Variants in SLIT3 observed in about 807,000 individuals in gnomAD.
SLIT3 encodes slit guidance ligand 3, also known as slit homolog 3 protein.
Under a neutral mutation model 184.0 loss-of-function variants are expected in SLIT3, and 68 were observed. The observed-to-expected ratio is 0.37, with a 90% CI of 0.30 to 0.45. The LOEUF (loss-of-function observed/expected upper bound fraction) is 0.45, where lower values mean the gene tolerates loss of function less well. Among genes scored for constraint, SLIT3 ranks in the 20% least tolerant of loss-of-function variants. SLIT3 has a pLI of 1.00. For synonymous variants in SLIT3, 831 were observed against 828.6 expected (o/e 1.00, Z -0.05); for missense variants, 1,707 against 2,026.0 (o/e 0.84, Z 3.02).
At chr5:168,755,171 T>G (rs1435351167) in intron 16 of SLIT3, among the ~76,000 whole-genome samples, 1 of 152,140 alleles carries the variant, frequency 6.6e-6, no homozygotes, top group East Asian at 1.9e-4. Flanking sequence ...GGGACTGAGG[T>G]TCACAGAGAT....
At chr5:168,746,544 T>TGTGTGGTGTGTGA (rs1754429447) in intron 20 of SLIT3, among the ~76,000 whole-genome samples, 4 of 82,598 alleles carry the variant, frequency 4.8e-5, no homozygotes, top group South Asian at 4.8e-4. Context: ...TGTGTGGTGG[T>TGTGTGGTGTGTGA]GTGCGGTGGT....
chr5:169,003,323 A>C (rs1169320507), intron 4 of SLIT3, among the ~76,000 whole-genome samples: 1 of 152,182 alleles, frequency 6.6e-6, no homozygotes, highest in Non-Finnish European at 1.5e-5. Flanking sequence ...GGCACTCAGT[A>C]CATCTTCCCA....
At chr5:168,778,802 C>T (rs1755858608) in intron 12 of SLIT3, among the ~76,000 whole-genome samples, 1 of 152,224 alleles carries the variant, frequency 6.6e-6, no homozygotes, top group African/African-American at 2.4e-5. Context: ...CTCAAACTGA[C>T]AACTGTGACA....
chr5:169,033,685 A>G (rs1256158208), intron 4 of SLIT3, among the ~76,000 whole-genome samples: 1 of 152,108 alleles, frequency 6.6e-6, no homozygotes, highest in Admixed American at 6.5e-5. Flanking sequence ...TTAATTAATG[A>G]TGAATGATGT....
intron 4 of SLIT3, among the ~76,000 whole-genome samples, chr5:168,889,961 G>A (rs1760384019): frequency 6.6e-6 from 1 of 151,950 alleles, no homozygotes; most frequent in Non-Finnish European, 1.5e-5. Context: ...TCGCCAACAT[G>A]GTGAAACACC....
chr5:169,028,826 C>T (rs560941630), intron 4 of SLIT3, among the ~76,000 whole-genome samples: 3 of 152,290 alleles, frequency 2.0e-5, no homozygotes, highest in East Asian at 3.9e-4. Flanking sequence ...AGCTAGAACC[C>T]AAAATGTGTT....
intron 4 of SLIT3, among the ~76,000 whole-genome samples, chr5:168,883,728 C>T (rs767577400): frequency 6.6e-5 from 10 of 150,762 alleles, no homozygotes; most frequent in Non-Finnish European, 1.0e-4. Flanking sequence ...GGGGTCAACG[C>T]CGCTCAATCT....
In SLIT3 at chr5:168,899,074, T is replaced by G. The variant is rs113162840; in HGVS notation, c.414-15738A>C. Among the ~76,000 whole-genome samples, 22 of 152,372 alleles carry G rather than the reference T, an allele frequency of 1.4e-4. 3 individuals carry two copies. Among genetic ancestry groups the G allele is most frequent in the African/African-American group, 5.3e-4 (22 of 41,588 alleles). ...TCTAAATGAGTCAAGAAAGTAAAAA[T>G]TCTGGCTTCTCTTTTCTTCTCCTAC... On this transcript the variant is annotated intron_variant, in intron 4 of 35. Coordinates refer to ENST00000519560, the MANE Select transcript of SLIT3 (RefSeq NM_003062.4).
chr5:169,267,489 G>T (rs1275977540), intron 1 of SLIT3, among the ~76,000 whole-genome samples: 1 of 152,190 alleles, frequency 6.6e-6, no homozygotes, highest in East Asian at 1.9e-4. Flanking sequence ...GCTCTTTATT[G>T]ACAGTTTTAA....
chr5:168,889,064 G>A (rs1252153817), intron 4 of SLIT3, among the ~76,000 whole-genome samples: 1 of 152,158 alleles, frequency 6.6e-6, no homozygotes, highest in African/African-American at 2.4e-5. Flanking sequence ...GTAACCCAGT[G>A]ACACATCGCT....
intron 4 of SLIT3, among the ~76,000 whole-genome samples, chr5:168,968,708 C>T (rs1193277522): frequency 6.6e-6 from 1 of 152,192 alleles, no homozygotes; most frequent in Non-Finnish European, 1.5e-5. Flanking sequence ...AAATTCATCT[C>T]CTAACTTCAC....
At chr5:168,897,647 T>TGCGCGCGCACACACACACACACACAC (rs3223457) in intron 4 of SLIT3, among the ~76,000 whole-genome samples, 1 of 141,414 alleles carries the variant, frequency 7.1e-6, no homozygotes, top group African/African-American at 2.6e-5. Context: ...CAGGTGCACG[T>TGCGCGCGCACACACACACACACACAC]ACACACACAC....
chr5:169,181,559 G>C (rs2113443270), intron 4 of SLIT3, among the ~76,000 whole-genome samples: 1 of 152,142 alleles, frequency 6.6e-6, no homozygotes, highest in African/African-American at 2.4e-5. Context: ...GGCCAACATG[G>C]TGAAACCCTG....
intron 12 of SLIT3, among the ~76,000 whole-genome samples, chr5:168,780,460 G>A (rs1439407313): frequency 6.6e-6 from 1 of 152,252 alleles, no homozygotes; most frequent in East Asian, 1.9e-4. Flanking sequence ...TATACAACAG[G>A]AGAAAGATGG....
intron 20 of SLIT3, among the ~76,000 whole-genome samples, chr5:168,736,941 G>A (rs1412103263): frequency 2.0e-5 from 3 of 152,228 alleles, no homozygotes; most frequent in Non-Finnish European, 4.4e-5. Context: ...CCTGCAAAAT[G>A]GGAATAATGA....
At chr5:168,771,301 G>C (rs555846996) in intron 14 of SLIT3, among the ~76,000 whole-genome samples, 1 of 152,176 alleles carries the variant, frequency 6.6e-6, no homozygotes, top group Non-Finnish European at 1.5e-5. Context: ...TTCAGGGAGC[G>C]GGTAGGGGTG....
chr5:169,132,485 C>T (rs1345048514), intron 4 of SLIT3, among the ~76,000 whole-genome samples: 1 of 152,160 alleles, frequency 6.6e-6, no homozygotes, highest in African/African-American at 2.4e-5. Flanking sequence ...CAAAAATCAT[C>T]TTGTGAACCA....
intron 4 of SLIT3, among the ~76,000 whole-genome samples, chr5:168,926,337 G>C (rs1030511009): frequency 1.3e-5 from 2 of 152,226 alleles, no homozygotes; most frequent in Non-Finnish European, 2.9e-5. Flanking sequence ...GTGGGTATGA[G>C]GTCCTGAGAA....
At chr5:168,774,013 T>A (rs1755654185) in intron 13 of SLIT3, among the ~76,000 whole-genome samples, 1 of 152,172 alleles carries the variant, frequency 6.6e-6, no homozygotes, top group African/African-American at 2.4e-5. Context: ...CTGTGAGGCT[T>A]AAGGGTTTTA....
Sources: gnomAD v4.1 joint callset for allele counts (sites outside exome capture counted in the v4.1 genomes callset) on GRCh38, gnomAD v4.1.1 for gene constraint, MANE v1.5 for transcripts, NCBI Gene and HGNC (gene_info 2026-07-23, HGNC 2026-07-21) for gene names.